Variants in GRIP1 observed in about 807,000 individuals in gnomAD.
GRIP1 encodes glutamate receptor interacting protein 1.
Under a neutral mutation model 129.9 loss-of-function variants are expected in GRIP1, and 45 were observed. That is an observed-to-expected ratio of 0.35 (90% CI 0.27 to 0.44). GRIP1 has a LOEUF of 0.44. Ranked by LOEUF, GRIP1 falls within the 20% of genes least tolerant of loss-of-function variation. The pLI is 1.00. For synonymous variants in GRIP1, 530 were observed against 520.8 expected, an observed-to-expected ratio of 1.02 and a Z score of -0.24; for missense variants, 1,196 against 1,396.8, an observed-to-expected ratio of 0.86 and a Z score of 2.29.
chr12:66,420,577 A>T, intron 15 of GRIP1, 143 bp downstream of exon 15: 1 of 680,054 alleles, frequency 1.5e-6, no homozygotes, highest in South Asian at 1.6e-5. Context: ...GGGATGTCAA[A>T]TATGATCAAT....
chr12:66,944,631 G>A (rs960162011), intron 1 of GRIP1, among the ~76,000 whole-genome samples: 6 of 152,040 alleles, frequency 3.9e-5, no homozygotes, highest in African/African-American at 1.4e-4. Context: ...AAAGAGGGTA[G>A]GGGTGAAAAC....
At chr12:67,019,973 A>T (rs776146807) in intron 1 of GRIP1, among the ~76,000 whole-genome samples, 1 of 152,198 alleles carries the variant, frequency 6.6e-6, no homozygotes, top group African/African-American at 2.4e-5. Context: ...TCTTGAACTC[A>T]GTTAAAGACT....
intron 1 of GRIP1, among the ~76,000 whole-genome samples, chr12:67,048,376 CTT>C (rs2043287715): frequency 6.6e-6 from 1 of 152,130 alleles, no homozygotes; most frequent in Non-Finnish European, 1.5e-5. Flanking sequence ...ACCGTTCACA[CTT>C]TAGTACACGT....
chr12:66,944,901 T>G (rs1223331533), intron 1 of GRIP1, among the ~76,000 whole-genome samples: 2 of 152,206 alleles, frequency 1.3e-5, no homozygotes, highest in Non-Finnish European at 2.9e-5. Flanking sequence ...CAGGCAATTC[T>G]CGTGCCTCAG....
chr12:66,539,051 A>C (rs2061691525), intron 4 of GRIP1, 27 bp downstream of exon 4: 4 of 1,587,118 alleles, frequency 2.5e-6, no homozygotes, highest in Non-Finnish European at 3.5e-6. Flanking sequence ...TGTATCCCCT[A>C]TGGATAAGGG....
intron 1 of GRIP1, among the ~76,000 whole-genome samples, chr12:66,978,809 T>A (rs578144616): frequency 6.6e-6 from 1 of 152,328 alleles, no homozygotes; most frequent in Admixed American, 6.5e-5. Flanking sequence ...TTTTGTGCAA[T>A]GACATTTCAT....
intron 1 of GRIP1, among the ~76,000 whole-genome samples, chr12:66,921,335 T>C (rs773333606): frequency 1.3e-5 from 2 of 152,216 alleles, no homozygotes; most frequent in Non-Finnish European, 2.9e-5. Context: ...AAGGGACTGC[T>C]CCTGGCTCCT....
intron 9 of GRIP1, among the ~76,000 whole-genome samples, chr12:66,457,339 C>G (rs566846641): frequency 6.4e-4 from 97 of 152,162 alleles, no homozygotes; most frequent in Non-Finnish European, 1.1e-3. Flanking sequence ...GTGATCATAG[C>G]TCACTGTAAT....
At chr12:67,059,399 G>A (rs911053857) in intron 1 of GRIP1, among the ~76,000 whole-genome samples, 3 of 152,176 alleles carry the variant, frequency 2.0e-5, no homozygotes, top group Admixed American at 6.5e-5. Flanking sequence ...AGGGCACAAC[G>A]CCCAGCCACC....
At chr12:66,660,119 C>G (rs2033408280) in intron 1 of GRIP1, among the ~76,000 whole-genome samples, 1 of 152,176 alleles carries the variant, frequency 6.6e-6, no homozygotes, top group African/African-American at 2.4e-5. Context: ...CTCAGCCCAA[C>G]TATTCTCTTG....
At chr12:66,654,883 A>G (rs570141046) in intron 1 of GRIP1, among the ~76,000 whole-genome samples, 3 of 152,248 alleles carry the variant, frequency 2.0e-5, no homozygotes, top group Non-Finnish European at 4.4e-5. Flanking sequence ...AGCTGGTGCC[A>G]CTAAAGCAAT....
At chr12:66,525,455 A>G (rs1485756390) in intron 5 of GRIP1, among the ~76,000 whole-genome samples, 1 of 152,174 alleles carries the variant, frequency 6.6e-6, no homozygotes, top group Non-Finnish European at 1.5e-5. Flanking sequence ...ATAGATGCAG[A>G]AAAGGCCTTT....
chr12:66,526,165 T>C (rs1026898295), intron 5 of GRIP1, among the ~76,000 whole-genome samples: 19 of 150,972 alleles, frequency 1.3e-4, no homozygotes, highest in Admixed American at 1.1e-3. Context: ...CTTCACAGAA[T>C]TGGAAAAAAC....
intron 1 of GRIP1, among the ~76,000 whole-genome samples, chr12:66,614,082 T>C (rs1246222930): frequency 6.6e-6 from 1 of 152,168 alleles, no homozygotes; most frequent in Non-Finnish European, 1.5e-5. Context: ...CCTCTGTTGG[T>C]GCCTCCTTCC....
rs1030082400 is a variant in GRIP1, at chr12:67,041,700, T to C, written c.58+27350A>G. On this transcript the variant is annotated intron_variant, in intron 1 of 1. Coordinates refer to the GRIP1 transcript ENST00000643019. ...CATTCCTAAGTATTGTAAATAAATT[T>C]GACAACTTTTTTTTGGAGGGGGGCG... Among the ~76,000 whole-genome samples, 3 of 151,974 alleles carry C rather than the reference T, an allele frequency of 2.0e-5. No individual in the cohort carries two copies. In the South Asian group the frequency reaches 6.2e-4, roughly 32 times the overall value.
At chr12:66,390,139 G>A (rs572423057) in intron 19 of GRIP1, among the ~76,000 whole-genome samples, 32 of 152,290 alleles carry the variant, frequency 2.1e-4, no homozygotes, top group Middle Eastern at 6.8e-3. Flanking sequence ...GTCACCTTGG[G>A]CATTCAAGTC....
intron 1 of GRIP1, among the ~76,000 whole-genome samples, chr12:66,967,967 C>T (rs893449789): frequency 2.0e-5 from 3 of 152,124 alleles, no homozygotes; most frequent in Non-Finnish European, 4.4e-5. Flanking sequence ...ACTGATAATG[C>T]TATTCAAGTC....
chr12:66,671,578 CT>C, intron 1 of GRIP1, among the ~76,000 whole-genome samples: 1 of 152,260 alleles, frequency 6.6e-6, no homozygotes, highest in South Asian at 2.1e-4. Flanking sequence ...CCCTTGTTGC[CT>C]TTAATGCAGA....
chr12:66,416,233 T>C (rs900796945), intron 15 of GRIP1, among the ~76,000 whole-genome samples: 1 of 151,860 alleles, frequency 6.6e-6, no homozygotes. Context: ...CACAACACAC[T>C]AAAGCCAATG....
Sources: gnomAD v4.1 joint callset for allele counts (sites outside exome capture counted in the v4.1 genomes callset) on GRCh38, gnomAD v4.1.1 for gene constraint, MANE v1.5 for transcripts, NCBI Gene and HGNC (gene_info 2026-07-23, HGNC 2026-07-21) for gene names.